PZP: variants seen among roughly 807,000 people sequenced by gnomAD.
PZP encodes pregnancy zone protein.
PZP carries 150 observed loss-of-function variants against 179.8 expected under a neutral mutation model. That is an observed-to-expected ratio of 0.83 (90% CI 0.73 to 0.96). The LOEUF (loss-of-function observed/expected upper bound fraction) is 0.96, where lower values mean the gene tolerates loss of function less well. Among genes scored for constraint, PZP ranks in the 40% least tolerant of loss-of-function variants. PZP has a pLI of 0.00. For missense variants in PZP, 1,689 were observed against 1,764.0 expected, an observed-to-expected ratio of 0.96 and a Z score of 0.76; for synonymous variants, 624 against 652.3, an observed-to-expected ratio of 0.96 and a Z score of 0.66.
chr12:9,203,337 CTTTT>C lies in PZP; in HGVS notation c.267+427_267+430del, dbSNP rs528084441. ...CCTTTCTGAAGTCCTAACTACATTC[CTTTT>C]TTTTTTTTTTTTTTTTTTGAGACGG... is the stretch of plus-strand genomic sequence containing the variant. On this transcript the variant is annotated intron_variant, in intron 2 of 35. Transcript: ENST00000261336. Among the ~76,000 whole-genome samples the C allele has an allele frequency of 3.8e-3, 438 of 114,548 alleles. 1 individual carries two copies. Among genetic ancestry groups the C allele is most frequent in the Middle Eastern group, 0.015 (3 of 194 alleles). 75.1% of individuals were successfully genotyped at this position (114,548 alleles called of 152,430 possible). A position where few individuals can be genotyped will look rare whatever the true frequency, so the allele number is the denominator to read the frequency against.
rs536920317 is a variant in PZP, at chr12:9,194,074, T to G, written c.1254+3A>C. On this transcript the variant is annotated splice_donor_region_variant and intron_variant, in intron 11 of 35. Coordinates refer to ENST00000261336, the MANE Select transcript of PZP (RefSeq NM_002864.3). ...CCTCAGAGATTTGTCTTTCTATACT[T>G]ACCCGGACAAAAAGTTTATTAACCG... The G allele has an allele frequency of 4.8e-5, 77 of 1,612,088 alleles. 1 individual carries two copies. In the South Asian group the frequency reaches 7.6e-4, roughly 16 times the overall value.
At chr12:9,169,305 A>C in intron 16 of PZP, 125 bp downstream of exon 16, 2 of 1,001,992 alleles carry the variant, frequency 2.0e-6, no homozygotes, top group Non-Finnish European at 2.8e-6. Flanking sequence ...TATTGGCTTC[A>C]TTTTTGTCTG....
At position 9,181,109 on chromosome 12, in the gene PZP, T is replaced by C. The variant is rs745565430; in HGVS notation, c.1713A>G (p.Ala571=). 6.2e-7 allele frequency: 1 copy of C among 1,614,150 alleles called. No homozygotes were observed. The highest frequency in any genetic ancestry group is 1.1e-5 in the South Asian group (1 of 91,076). ...GGGCATGTGAGGCTGGGGGACTTTG[T>C]GCTGGGCTGAAGCTCAAATCCACCT... ...ANKVDLSFSP[A]QSPPASHAHL... is the part of the protein sequence containing the mutation. Residue 571 remains alanine (A), a synonymous_variant, in exon 15 of 36, where the codon GCA becomes GCG. Transcript: ENST00000261336.
chr12:9,203,653 A>C (rs1472643263), intron 2 of PZP, 115 bp downstream of exon 2: 1 of 1,300,858 alleles, frequency 7.7e-7, no homozygotes, highest in Admixed American at 2.2e-5. Context: ...TGAAGTCCTA[A>C]CTACATTCTT....
chr12:9,142,489 G>A, the PZP span, among the ~76,000 whole-genome samples: 15 of 152,132 alleles, frequency 9.9e-5, no homozygotes, highest in Non-Finnish European at 1.8e-4. Flanking sequence ...ATTTTACTGT[G>A]CCAGTAAGTT....
the PZP span, among the ~76,000 whole-genome samples, chr12:9,143,685 G>C: frequency 6.6e-6 from 1 of 152,070 alleles, no homozygotes; most frequent in Non-Finnish European, 1.5e-5. Flanking sequence ...AAAATCAAAG[G>C]TGCCATTTTC....
intron 15 of PZP, among the ~76,000 whole-genome samples, chr12:9,173,484 T>A (rs988608952): frequency 2.0e-5 from 3 of 151,796 alleles, no homozygotes; most frequent in Non-Finnish European, 2.9e-5. Context: ...AAAGCTGAGC[T>A]GAAGGAGATA....
Position 9,166,204 on chromosome 12 carries a change from T to A in PZP, c.2108-2A>T. ...GTCTCTCTACTACTCCTAGACCTGC[T>A]AAAGTAAGAGAAAATTGTCTAGTTA... On this transcript the variant is annotated splice_acceptor_variant, in intron 17 of 35. Coordinates refer to ENST00000261336, the MANE Select transcript of PZP (RefSeq NM_002864.3). LOFTEE classifies it high-confidence loss of function. 1.2e-6 allele frequency: 2 copies of A among 1,608,588 alleles called. No homozygotes were observed. The highest frequency in any genetic ancestry group is 1.7e-6 in the Non-Finnish European group (2 of 1,178,708).
chr12:9,192,301 G>C lies in PZP; in HGVS notation c.1483-45C>G, dbSNP rs1479748160. 4 of 1,571,072 alleles carry C rather than the reference G, an allele frequency of 2.5e-6. No homozygotes were observed. The Admixed American group carries it at 6.7e-5, about 26-fold the overall frequency. On this transcript the variant is annotated intron_variant, in intron 12 of 35. Transcript: ENST00000261336. ...AAGGAAATTTCTTGAGCTGGACACA[G>C]TTCTCAGCCTTCTATTCCCCACATG...
At chr12:9,150,523 A>G (rs1940274732) in intron 34 of PZP, 121 bp downstream of exon 34, 1 of 665,954 alleles carries the variant, frequency 1.5e-6, no homozygotes, top group Non-Finnish European at 2.5e-6. Context: ...TATAGTGTAC[A>G]TCTTGGAGGA....
At position 9,158,451 on chromosome 12, in the gene PZP, C is replaced by T. The variant is rs1368620591; in HGVS notation, c.3263G>A (p.Ser1088Asn). Residue 1088 changes from serine (S) to asparagine (N), a missense_variant, in exon 26 of 36, where the codon AGC (serine) becomes AAC (asparagine). Physicochemically the swap from Ser to Asn is conservative, Grantham distance 46 (BLOSUM62 1). Around this residue, in one of 3 missense-constraint regions of PZP, gnomAD observed 746 missense variants for 749.2 expected, o/e 1.00. Coordinates refer to ENST00000261336, the MANE Select transcript of PZP (RefSeq NM_002864.3). ...QMQKDNGCFRSSGSLLNNAIK... is the reference protein window; with the variant it reads ...QMQKDNGCFRNSGSLLNNAIK... ...GGCATTGTTGAGCAGTGACCCAGAGCTCCTGAAACAGCCATTGTCCTTCTG... is the reference window on the plus strand; with the variant it reads ...GGCATTGTTGAGCAGTGACCCAGAGTTCCTGAAACAGCCATTGTCCTTCTG... 1 of 1,614,144 alleles carries T rather than the reference C, an allele frequency of 6.2e-7. No homozygotes were observed. The highest frequency in any genetic ancestry group is 8.5e-7 in the Non-Finnish European group (1 of 1,180,024).
At chr12:9,194,511 C>T (rs1335575283) in intron 10 of PZP, among the ~76,000 whole-genome samples, 1 of 133,404 alleles carries the variant, frequency 7.5e-6, no homozygotes, top group South Asian at 2.3e-4. Context: ...GTCGCCCAGG[C>T]TGGAGTGCAG....
intron 13 of PZP, among the ~76,000 whole-genome samples, chr12:9,190,401 A>G (rs1271137977): frequency 1.3e-5 from 2 of 152,210 alleles, no homozygotes; most frequent in Non-Finnish European, 2.9e-5. Context: ...TAGGAACAGA[A>G]AACCAAATAT....
chr12:9,169,300 G>T, intron 16 of PZP, 130 bp downstream of exon 16: 3 of 925,880 alleles, frequency 3.2e-6, no homozygotes, highest in Non-Finnish European at 4.6e-6. Flanking sequence ...CTTTTTATTG[G>T]CTTCATTTTT....
chr12:9,149,634 G>A, intron 34 of PZP, 32 bp from the exon 35 acceptor site: 5 of 1,606,508 alleles, frequency 3.1e-6, no homozygotes, highest in East Asian at 2.2e-5. Context: ...AGGAAGAAAC[G>A]AAAGATCTAT....
intron 15 of PZP, among the ~76,000 whole-genome samples, chr12:9,178,457 T>C (rs1295757006): frequency 6.6e-6 from 1 of 152,112 alleles, no homozygotes; most frequent in African/African-American, 2.4e-5. Flanking sequence ...ATGCTGGCAA[T>C]TGGGAGGTGA....
chr12:9,166,068 C>G lies in PZP; in HGVS notation c.2242G>C (p.Glu748Gln). Reference sequence around the variant, plus strand: ...GTTACTTACTTCACTGCCACCAACTCCCAGATCCAAGTCTCAGGAAAATAG... The same window carrying G: ...GTTACTTACTTCACTGCCACCAACTGCCAGATCCAAGTCTCAGGAAAATAG... ...RSYFPETWIW[E>Q]LVAVNSSGVA... is the part of the protein sequence containing the mutation. The change falls in exon 18 of 36, where the codon GAG becomes CAG. Residue 748 changes from glutamate to glutamine, a missense_variant. This residue lies in a region of PZP where 201 missense variants were observed against 284.2 expected (regional missense o/e 0.71). Coordinates refer to ENST00000261336, the MANE Select transcript of PZP (RefSeq NM_002864.3). 6.2e-7 allele frequency: 1 copy of G among 1,608,788 alleles called. No homozygotes were observed. The highest frequency in any genetic ancestry group is 8.5e-7 in the Non-Finnish European group (1 of 1,178,808).
At position 9,200,380 on chromosome 12, in the gene PZP, T is replaced by C. The variant is rs377049321; in HGVS notation, c.739A>G (p.Ile247Val). The C allele has an allele frequency of 1.0e-5, 16 of 1,607,252 alleles. No homozygotes were observed. The African/African-American group carries it at 2.0e-4, about 20-fold the overall frequency. ...IISIMDEKVNITVCGEYTYGK... is the reference protein window; with the variant it reads ...IISIMDEKVNVTVCGEYTYGK... ...GTAACTCACTCTCCACAGACTGTTA[T>C]GTTCACTTTTTCATCCATGATACTG... The change falls in exon 7 of 36, where the codon ATA becomes GTA. Residue 247 changes from isoleucine (I) to valine (V), a missense_variant. By Grantham distance (29) the Ile-to-Val change is conservative (BLOSUM62 3). This residue lies in a region of PZP where 742 missense variants were observed against 730.5 expected (regional missense o/e 1.02). Coordinates refer to ENST00000261336, the MANE Select transcript of PZP (RefSeq NM_002864.3).
At chr12:9,183,962 G>A (rs890671825) in intron 13 of PZP, among the ~76,000 whole-genome samples, 1 of 152,086 alleles carries the variant, frequency 6.6e-6, no homozygotes, top group Non-Finnish European at 1.5e-5. Context: ...ACCTCAAAAA[G>A]GAAATAAGCT....
Sources: allele counts gnomAD v4.1 joint callset (sites outside exome capture counted in the v4.1 genomes callset), GRCh38; gene constraint gnomAD v4.1.1; regional missense constraint gnomAD v4.1.1; transcripts MANE v1.5; gene names NCBI Gene and HGNC (gene_info 2026-07-23, HGNC 2026-07-21).